The following DLGAP1 variants were observed in gnomAD, a reference collection of about 807,000 sequenced individuals.
DLGAP1 encodes the protein DLG associated protein 1.
DLGAP1 carries 11 observed loss-of-function variants against 90.8 expected under a neutral mutation model. That is an observed-to-expected ratio of 0.12 (90% CI 0.08 to 0.20). The LOEUF is 0.20. DLGAP1 is among the 10% of genes least tolerant of loss of function. DLGAP1 has a pLI of 1.00. For missense variants in DLGAP1, 1,050 were observed against 1,333.8 expected (o/e 0.79, Z 3.31); for synonymous variants, 558 against 540.7 (o/e 1.03, Z -0.44).
At chr18:4,240,564 A>AAG (rs904933367) in intron 1 of DLGAP1, among the ~76,000 whole-genome samples, 8 of 152,318 alleles carry the variant, frequency 5.3e-5, no homozygotes, top group African/African-American at 1.9e-4. Flanking sequence ...AATGTCAAAA[A>AAG]AGAGATTAAA....
chr18:4,314,171 T>C (rs1190410743), intron 1 of DLGAP1, among the ~76,000 whole-genome samples: 3 of 152,208 alleles, frequency 2.0e-5, no homozygotes, highest in Non-Finnish European at 4.4e-5. Flanking sequence ...TTCCAAATGA[T>C]TGACCTTTAT....
chr18:3,670,737 G>A (rs1483467569), intron 7 of DLGAP1, among the ~76,000 whole-genome samples: 1 of 152,158 alleles, frequency 6.6e-6, no homozygotes, highest in Non-Finnish European at 1.5e-5. Flanking sequence ...TCACAATTCT[G>A]ATTATACCTG....
chr18:4,375,102 G>A (rs961998119), intron 1 of DLGAP1, among the ~76,000 whole-genome samples: 2 of 152,166 alleles, frequency 1.3e-5, no homozygotes, highest in Admixed American at 6.5e-5. Flanking sequence ...TTGTATTTGA[G>A]CACTCTATGA....
At chr18:4,398,189 G>A (rs564690652) in intron 1 of DLGAP1, among the ~76,000 whole-genome samples, 1 of 152,276 alleles carries the variant, frequency 6.6e-6, no homozygotes, top group Admixed American at 6.5e-5. Context: ...GCATATCTAT[G>A]AAAAGCAAAC....
chr18:4,362,397 C>A (rs955536455), intron 1 of DLGAP1, among the ~76,000 whole-genome samples: 1 of 152,114 alleles, frequency 6.6e-6, no homozygotes, highest in African/African-American at 2.4e-5. Flanking sequence ...GAATATTATT[C>A]AGCCTTAAAA....
chr18:3,916,216 C>T (rs976251674), intron 3 of DLGAP1, among the ~76,000 whole-genome samples: 12 of 152,300 alleles, frequency 7.9e-5, no homozygotes, highest in Non-Finnish European at 1.2e-4. Flanking sequence ...GAGACACCCA[C>T]GGTCACAGTT....
chr18:4,305,059 AT>A (rs2080215959), intron 1 of DLGAP1, among the ~76,000 whole-genome samples: 1 of 152,150 alleles, frequency 6.6e-6, no homozygotes, highest in African/African-American at 2.4e-5. Context: ...TAATTCATTC[AT>A]GGAATAAATT....
At chr18:4,020,162 C>T (rs1007846636) in intron 2 of DLGAP1, among the ~76,000 whole-genome samples, 8 of 152,080 alleles carry the variant, frequency 5.3e-5, no homozygotes, top group African/African-American at 7.2e-5. Context: ...ATGTTTCTCA[C>T]CAGACTTAAG....
At chr18:3,618,951 A>AT (rs1225065990) in intron 7 of DLGAP1, among the ~76,000 whole-genome samples, 3 of 151,882 alleles carry the variant, frequency 2.0e-5, no homozygotes, top group Non-Finnish European at 4.4e-5. Context: ...AAAAAAAAAA[A>AT]AGAGATGATT....
intron 1 of DLGAP1, among the ~76,000 whole-genome samples, chr18:4,355,082 C>T (rs1490740568): frequency 6.6e-6 from 1 of 152,038 alleles, no homozygotes; most frequent in African/African-American, 2.4e-5. Context: ...TCTTTTAAAA[C>T]TAAACATACT....
chr18:4,321,025 C>T (rs2080674236), intron 1 of DLGAP1, among the ~76,000 whole-genome samples: 1 of 152,156 alleles, frequency 6.6e-6, no homozygotes, highest in South Asian at 2.1e-4. Context: ...TTAACTTCGT[C>T]ATCATTTATA....
chr18:3,542,595 C>T (rs1007746225), intron 9 of DLGAP1, among the ~76,000 whole-genome samples: 4 of 152,116 alleles, frequency 2.6e-5, no homozygotes, highest in Admixed American at 6.5e-5. Context: ...TCCTGGAATT[C>T]GCTTTCCAGA....
rs538678987 is a variant in DLGAP1, at chr18:3,643,662, CAAA to C, written c.1592-61417_1592-61415del. Among the ~76,000 whole-genome samples, 396 of 64,982 alleles carry C rather than the reference CAAA, an allele frequency of 6.1e-3. 1 individual carries two copies. Among genetic ancestry groups the C allele is most frequent in the East Asian group, 0.052 (128 of 2,472 alleles). 42.6% of individuals were successfully genotyped at this position (64,982 alleles called of 152,430 possible). On this transcript the variant is annotated intron_variant, in intron 7 of 12. Transcript: ENST00000315677. The stretch of plus-strand genomic sequence containing the variant: ...TGGGTGACAGAGCGAGACTCCATCT[CAAA>C]AAAAAAAAAAAAAAAAAAAATGCTG...
intron 11 of DLGAP1, among the ~76,000 whole-genome samples, chr18:3,506,145 G>A (rs949775671): frequency 6.6e-6 from 1 of 152,140 alleles, no homozygotes; most frequent in African/African-American, 2.4e-5. Flanking sequence ...GGCTGAGGCA[G>A]GAGAATAGCT....
At chr18:3,860,579 C>T (rs1257239191) in intron 4 of DLGAP1, among the ~76,000 whole-genome samples, 1 of 152,206 alleles carries the variant, frequency 6.6e-6, no homozygotes, top group Non-Finnish European at 1.5e-5. Flanking sequence ...GAATGAACTT[C>T]ATGGCCCTTG....
At chr18:4,310,239 T>G (rs2080364229) in intron 1 of DLGAP1, among the ~76,000 whole-genome samples, 1 of 151,598 alleles carries the variant, frequency 6.6e-6, no homozygotes, top group Non-Finnish European at 1.5e-5. Context: ...TGGGTGTGAG[T>G]TTTTTTTTAA....
chr18:4,089,873 G>C (rs192318538), intron 2 of DLGAP1, among the ~76,000 whole-genome samples: 1 of 152,082 alleles, frequency 6.6e-6, no homozygotes, highest in Non-Finnish European at 1.5e-5. Context: ...GTGAAACCCC[G>C]TCTCTACTAA....
chr18:3,497,351 G>C lies in DLGAP1; in HGVS notation c.*1834C>G, dbSNP rs540539008. ...GTTCACCCTAGTTAAAAGTTGGTTC[G>C]TTGGTTTCAAAATAAGTGAGTAGCC... On this transcript the variant is annotated 3_prime_UTR_variant, in exon 13 of 13. Transcript: ENST00000315677. The C allele has an allele frequency of 1.3e-5, 2 of 152,258 alleles. No individual in the cohort carries two copies. The highest frequency in any genetic ancestry group is 4.8e-5 in the African/African-American group (2 of 41,552). The allele number at this position is 152,258 out of a possible 1,614,324, so 9.4% of individuals were successfully genotyped here. A position where few individuals can be genotyped will look rare whatever the true frequency, so the allele number is the denominator to read the frequency against.
chr18:4,117,705 G>C (rs375327730), intron 2 of DLGAP1, among the ~76,000 whole-genome samples: 3 of 152,164 alleles, frequency 2.0e-5, no homozygotes, highest in African/African-American at 7.2e-5. Flanking sequence ...CTACTAGCTT[G>C]GATTTTTCTT....
Sources: gnomAD v4.1 joint callset for allele counts (sites outside exome capture counted in the v4.1 genomes callset) on GRCh38, gnomAD v4.1.1 for gene constraint, MANE v1.5 for transcripts, NCBI Gene and HGNC (gene_info 2026-07-23, HGNC 2026-07-21) for gene names.